RAB3IP: variants seen among roughly 807,000 people sequenced by gnomAD.
RAB3IP encodes the protein rab-3A-interacting protein.
RAB3IP carries 36 observed loss-of-function variants against 59.1 expected under a neutral mutation model. That is an observed-to-expected ratio of 0.61 (90% confidence interval 0.47 to 0.80). The LOEUF (loss-of-function observed/expected upper bound fraction) is 0.80, where lower values mean the gene tolerates loss of function less well. Ranked by LOEUF, RAB3IP falls within the 30% of genes least tolerant of loss-of-function variation. RAB3IP has a pLI of 0.00. For missense variants in RAB3IP, 511 were observed against 536.0 expected, an observed-to-expected ratio of 0.95 and a Z score of 0.46; for synonymous variants, 207 against 191.2, an observed-to-expected ratio of 1.08 and a Z score of -0.68.
chr12:69,756,755 A>T (rs1408840177), intron 3 of RAB3IP, 92 bp downstream of exon 3: 2 of 1,020,190 alleles, frequency 2.0e-6, no homozygotes, highest in Admixed American at 2.6e-5. Flanking sequence ...TGAAATCATG[A>T]TGGTTGTACA....
chr12:69,814,006 C>G (rs1420185586), intron 10 of RAB3IP, among the ~76,000 whole-genome samples: 2 of 152,080 alleles, frequency 1.3e-5, no homozygotes. Context: ...AACCTGTTAA[C>G]CTAATAACCT....
At chr12:69,756,761 G>T in intron 3 of RAB3IP, 98 bp downstream of exon 3, 1 of 999,772 alleles carries the variant, frequency 1.0e-6, no homozygotes, top group Non-Finnish European at 1.5e-6. Context: ...CATGATGGTT[G>T]TACATTTATC....
At chr12:69,769,082 C>T (rs968070893) in intron 3 of RAB3IP, among the ~76,000 whole-genome samples, 2 of 152,110 alleles carry the variant, frequency 1.3e-5, no homozygotes, top group African/African-American at 4.8e-5. Flanking sequence ...CTCAATCTCT[C>T]TTCTGTTGTC....
intron 8 of RAB3IP, among the ~76,000 whole-genome samples, chr12:69,802,222 TCA>T (rs1878502193): frequency 6.6e-6 from 1 of 151,960 alleles, no homozygotes; most frequent in Admixed American, 6.6e-5. Context: ...AGGGTGACCA[TCA>T]AAAATAGTTT....
chr12:69,756,711 G>C (rs756924257), intron 3 of RAB3IP, 48 bp downstream of exon 3: 5 of 1,493,478 alleles, frequency 3.3e-6, no homozygotes, highest in South Asian at 2.5e-5. Context: ...TTAGAAATTA[G>C]TATTTCTCCA....
At chr12:69,746,705 G>A (rs1423527107) in intron 1 of RAB3IP, among the ~76,000 whole-genome samples, 1 of 152,138 alleles carries the variant, frequency 6.6e-6, no homozygotes, top group Non-Finnish European at 1.5e-5. Context: ...AATGTTGAAG[G>A]TTTTTAAAGA....
At chr12:69,779,990 A>G (rs545842953) in intron 3 of RAB3IP, among the ~76,000 whole-genome samples, 4 of 152,300 alleles carry the variant, frequency 2.6e-5, no homozygotes, top group South Asian at 2.1e-4. Flanking sequence ...CAGTGGGCCT[A>G]TCTAGAGATC....
At chr12:69,797,485 T>C (rs1365000614) in intron 6 of RAB3IP, among the ~76,000 whole-genome samples, 9 of 148,276 alleles carry the variant, frequency 6.1e-5, no homozygotes, top group East Asian at 3.9e-4. Context: ...TTCTTTTTTT[T>C]TTTTTTTTTT....
intron 1 of RAB3IP, among the ~76,000 whole-genome samples, chr12:69,742,321 T>C (rs1423781645): frequency 5.9e-5 from 9 of 152,186 alleles, no homozygotes; most frequent in Admixed American, 5.9e-4. Flanking sequence ...GCATTTGATA[T>C]CCTAAAAACA....
intron 1 of RAB3IP, among the ~76,000 whole-genome samples, chr12:69,754,082 G>A (rs1419204745): frequency 1.3e-5 from 2 of 152,076 alleles, no homozygotes; most frequent in Non-Finnish European, 2.9e-5. Flanking sequence ...CAGCAACCAG[G>A]ACAAGGGAGG....
intron 5 of RAB3IP, among the ~76,000 whole-genome samples, chr12:69,794,862 A>C (rs1267574857): frequency 6.6e-6 from 1 of 152,176 alleles, no homozygotes; most frequent in African/African-American, 2.4e-5. Context: ...TCTACAACTA[A>C]TCATAAGCTA....
intron 6 of RAB3IP, among the ~76,000 whole-genome samples, chr12:69,797,185 C>T (rs1877562643): frequency 6.6e-6 from 1 of 152,184 alleles, no homozygotes; most frequent in African/African-American, 2.4e-5. Context: ...ATTTAAAATA[C>T]ACATGCATGC....
intron 1 of RAB3IP, among the ~76,000 whole-genome samples, chr12:69,750,412 T>C (rs1305853400): frequency 6.6e-6 from 1 of 152,200 alleles, no homozygotes; most frequent in Non-Finnish European, 1.5e-5. Flanking sequence ...GCCATTATTA[T>C]CCCTAAAATT....
chr12:69,754,756 TAAA>T (rs898468933), intron 1 of RAB3IP, among the ~76,000 whole-genome samples: 1 of 152,210 alleles, frequency 6.6e-6, no homozygotes, highest in African/African-American at 2.4e-5. Context: ...TGTTCTCTGT[TAAA>T]AAAATTGTTT....
intron 8 of RAB3IP, among the ~76,000 whole-genome samples, chr12:69,809,899 G>A (rs1385300587): frequency 1.3e-5 from 2 of 152,118 alleles, no homozygotes; most frequent in African/African-American, 2.4e-5. Context: ...CTCTCAACTC[G>A]TCAAAGTCAT....
chr12:69,796,676 G>T, intron 6 of RAB3IP: 1 of 589,962 alleles, frequency 1.7e-6, no homozygotes. Flanking sequence ...GGTTAAATCT[G>T]AATGTAACCA....
intron 1 of RAB3IP, among the ~76,000 whole-genome samples, chr12:69,740,877 A>C (rs1355822297): frequency 6.6e-6 from 1 of 152,236 alleles, no homozygotes; most frequent in Non-Finnish European, 1.5e-5. Flanking sequence ...TAGTTACTAT[A>C]CTTTTTTCCT....
At chr12:69,798,112 A>G (rs1877806957) in intron 6 of RAB3IP, among the ~76,000 whole-genome samples, 1 of 152,198 alleles carries the variant, frequency 6.6e-6, no homozygotes. Flanking sequence ...GACTTCCACA[A>G]TGGTTGAACT....
chr12:69,766,758 T>G (rs1435806582), intron 3 of RAB3IP, among the ~76,000 whole-genome samples: 1 of 152,060 alleles, frequency 6.6e-6, no homozygotes, highest in Non-Finnish European at 1.5e-5. Context: ...ACTCCTGACC[T>G]CAGGTGATCC....
Sources: allele counts gnomAD v4.1 joint callset (sites outside exome capture counted in the v4.1 genomes callset), GRCh38; gene constraint gnomAD v4.1.1; transcripts MANE v1.5; gene names NCBI Gene and HGNC (gene_info 2026-07-23, HGNC 2026-07-21).